GTF2E2: variants seen among roughly 807,000 people sequenced by gnomAD.
The protein encoded by GTF2E2 is general transcription factor IIE subunit 2, also known as transcription initiation factor IIE subunit beta.
A neutral mutation model predicts 40.5 loss-of-function variants in GTF2E2; 21 were observed. The observed-to-expected ratio is 0.52, with a 90% CI of 0.37 to 0.75. The LOEUF is 0.75. Among genes scored for constraint, GTF2E2 ranks in the 30% least tolerant of loss-of-function variants. The pLI, the probability that GTF2E2 is intolerant of heterozygous loss-of-function variation, is 0.00. For synonymous variants in GTF2E2, 117 were observed against 121.6 expected, an observed-to-expected ratio of 0.96 and a Z score of 0.25; for missense variants, 298 against 338.4, an observed-to-expected ratio of 0.88 and a Z score of 0.94.
intron 6 of GTF2E2, among the ~76,000 whole-genome samples, chr8:30,606,470 T>A (rs566714564): frequency 6.6e-6 from 1 of 152,228 alleles, no homozygotes; most frequent in Non-Finnish European, 1.5e-5. Flanking sequence ...AAATGGCAAT[T>A]GGTAAACTTG....
chr8:30,624,153 T>A (rs1801197103), intron 3 of GTF2E2, among the ~76,000 whole-genome samples: 1 of 152,162 alleles, frequency 6.6e-6, no homozygotes, highest in Admixed American at 6.5e-5. Context: ...TGGTCTAACA[T>A]TTAAGTCTTT....
At chr8:30,591,962 C>A (rs964284540) in intron 6 of GTF2E2, among the ~76,000 whole-genome samples, 1 of 152,106 alleles carries the variant, frequency 6.6e-6, no homozygotes, top group Non-Finnish European at 1.5e-5. Flanking sequence ...CTTTATTTCC[C>A]TATAAGCACT....
chr8:30,587,354 A>G lies in GTF2E2; in HGVS notation c.644-6958T>C, dbSNP rs1828711685. On this transcript the variant is annotated intron_variant, in intron 6 of 7. Transcript: ENST00000355904. ...CTTCAGCCTGGGAGGTGGAGGCTGC[A>G]GTTAGCTGAGATCATGCCGCTGCAT... 2.0e-5 allele frequency among the ~76,000 whole-genome samples: 3 copies of G among 152,176 alleles called. No homozygotes were observed. The South Asian group carries it at 6.2e-4, about 32-fold the overall frequency.
intron 6 of GTF2E2, among the ~76,000 whole-genome samples, chr8:30,590,778 C>T (rs1828824702): frequency 6.6e-6 from 1 of 152,036 alleles, no homozygotes; most frequent in Admixed American, 6.6e-5. Flanking sequence ...ACAACCTCAC[C>T]CTCCCAGGTT....
intron 6 of GTF2E2, among the ~76,000 whole-genome samples, chr8:30,604,065 T>C (rs1171419080): frequency 6.6e-6 from 1 of 152,090 alleles, no homozygotes; most frequent in Non-Finnish European, 1.5e-5. Context: ...CATTCATGGG[T>C]ATATGCCTTC....
At chr8:30,604,716 G>A (rs893389030) in intron 6 of GTF2E2, among the ~76,000 whole-genome samples, 1 of 152,120 alleles carries the variant, frequency 6.6e-6, no homozygotes, top group Non-Finnish European at 1.5e-5. Flanking sequence ...CATCACATAT[G>A]CTAGAGTTTA....
At chr8:30,655,093 C>G (rs1013554770) in intron 1 of GTF2E2, among the ~76,000 whole-genome samples, 3 of 151,488 alleles carry the variant, frequency 2.0e-5, no homozygotes, top group African/African-American at 4.9e-5. Context: ...CCGGGCTACT[C>G]AGAACGCTGA....
chr8:30,623,722 A>G (rs1027937435), intron 3 of GTF2E2, among the ~76,000 whole-genome samples: 21 of 151,988 alleles, frequency 1.4e-4, no homozygotes, highest in Non-Finnish European at 2.6e-4. Flanking sequence ...CTGGTGTGAG[A>G]TGGTATCTCA....
intron 6 of GTF2E2, among the ~76,000 whole-genome samples, 188 bp downstream of exon 6, chr8:30,606,869 T>G (rs946786927): frequency 1.3e-5 from 2 of 152,156 alleles, no homozygotes; most frequent in African/African-American, 4.8e-5. Flanking sequence ...ATCTTTCAAA[T>G]CACATATTTC....
At chr8:30,598,467 T>G (rs1829077546) in intron 6 of GTF2E2, among the ~76,000 whole-genome samples, 1 of 152,244 alleles carries the variant, frequency 6.6e-6, no homozygotes, top group Non-Finnish European at 1.5e-5. Flanking sequence ...TTAATTTAAC[T>G]AGTTCCTTTT....
chr8:30,632,265 CAT>C, intron 3 of GTF2E2, among the ~76,000 whole-genome samples: 2 of 152,266 alleles, frequency 1.3e-5, no homozygotes, highest in Non-Finnish European at 2.9e-5. Flanking sequence ...CTTTTTCAGT[CAT>C]ATAATTTTCA....
At chr8:30,637,131 T>C (rs1033120573) in intron 2 of GTF2E2, 2 of 434,402 alleles carry the variant, frequency 4.6e-6, no homozygotes, top group Non-Finnish European at 9.1e-6. Context: ...GTAAACCCTG[T>C]AATAAACAGC....
intron 6 of GTF2E2, among the ~76,000 whole-genome samples, chr8:30,591,026 T>C (rs192118324): frequency 3.3e-5 from 5 of 151,870 alleles, no homozygotes; most frequent in African/African-American, 7.2e-5. Flanking sequence ...TAAGACACCA[T>C]CAAGAAAGTG....
chr8:30,581,165 A>C (rs1477055382), intron 6 of GTF2E2, among the ~76,000 whole-genome samples: 1 of 152,186 alleles, frequency 6.6e-6, no homozygotes, highest in East Asian at 1.9e-4. Flanking sequence ...CAAAATCCTA[A>C]GACTTACACG....
At chr8:30,611,085 T>C (rs1277187709) in intron 5 of GTF2E2, among the ~76,000 whole-genome samples, 1 of 152,176 alleles carries the variant, frequency 6.6e-6, no homozygotes. Flanking sequence ...TAAGCCAGTC[T>C]TGGAAAAAGA....
chr8:30,645,194 C>G (rs970261642), intron 2 of GTF2E2: 4 of 1,178,290 alleles, frequency 3.4e-6, no homozygotes, highest in Non-Finnish European at 4.6e-6. Flanking sequence ...GTTGCCTATA[C>G]AAATTTACTA....
chr8:30,651,914 A>G (rs1461067656), intron 2 of GTF2E2, among the ~76,000 whole-genome samples: 3 of 152,126 alleles, frequency 2.0e-5, no homozygotes, highest in Admixed American at 2.0e-4. Context: ...CCAGAAATAA[A>G]CTCTTTGATT....
At position 30,658,153 on chromosome 8, in the gene GTF2E2, G is replaced by GGCGGCGGCT. The variant is rs1476423680; in HGVS notation, c.-186_-185insAGCCGCCGC. 5.1e-6 allele frequency: 1 copy of GGCGGCGGCT among 195,862 alleles called. No homozygotes were observed. The highest frequency in any genetic ancestry group is 1.0e-5 in the Non-Finnish European group (1 of 96,914). The allele number at this position is 195,862 out of a possible 1,614,324, so 12.1% of individuals were successfully genotyped here. On this transcript the variant is annotated 5_prime_UTR_variant, in exon 1 of 8. Coordinates refer to ENST00000355904, the MANE Select transcript of GTF2E2 (RefSeq NM_002095.6). ...TCTCACCACTGGCGGTGGCGGCGGCGGCGGCGGCAGCGGCGGTAGCTGAGG... is the reference window on the plus strand; with the variant it reads ...TCTCACCACTGGCGGTGGCGGCGGCGGCGGCGGCTGCGGCGGCAGCGGCGGTAGCTGAGG...
chr8:30,602,499 A>C (rs1352799285), intron 6 of GTF2E2, among the ~76,000 whole-genome samples: 1 of 152,074 alleles, frequency 6.6e-6, no homozygotes, highest in Non-Finnish European at 1.5e-5. Flanking sequence ...TTGTTATAAG[A>C]GTGTTCACTG....
Sources: allele counts gnomAD v4.1 joint callset (sites outside exome capture counted in the v4.1 genomes callset), GRCh38; gene constraint gnomAD v4.1.1; transcripts MANE v1.5; gene names NCBI Gene and HGNC (gene_info 2026-07-23, HGNC 2026-07-21).